TTC27: variants seen among roughly 807,000 people sequenced by gnomAD.
TTC27 encodes the protein tetratricopeptide repeat protein 27.
A neutral mutation model predicts 115.9 loss-of-function variants in TTC27; 79 were observed. That is an observed-to-expected ratio of 0.68 (90% CI 0.57 to 0.82). TTC27 has a LOEUF of 0.82. Ranked by LOEUF, TTC27 falls within the 40% of genes least tolerant of loss-of-function variation. The probability of loss-of-function intolerance (pLI) is 0.00; values close to 1 mark genes in which losing one functional copy is unlikely to be tolerated. For missense variants in TTC27, 1,054 were observed against 993.1 expected (o/e 1.06, Z -0.82); for synonymous variants, 401 against 356.0 (o/e 1.13, Z -1.42).
rs1208596345 is a variant in TTC27 at position 32,664,351 on chromosome 2, C to A, written c.689C>A (p.Ala230Asp). 6.2e-7 allele frequency: 1 copy of A among 1,610,828 alleles called. No individual in the cohort carries two copies. The highest frequency in any genetic ancestry group is 8.5e-7 in the Non-Finnish European group (1 of 1,178,442). ...GTAGATGATTCAGGTCGATATTTGG[C>A]TATTCAATTCCATCTGGAATGTGCA... Reference protein sequence around the residue: ...LFVDDSGRYLAIQFHLECAYV... With the variant: ...LFVDDSGRYLDIQFHLECAYV... Residue 230 changes from alanine (A) to aspartate (D), a missense_variant, in exon 6 of 20, where the codon GCT becomes GAT. By Grantham distance (126) the Ala-to-Asp change is moderately radical. Transcript: ENST00000317907.
chr2:32,757,062 C>G (rs1323429641), intron 12 of TTC27, among the ~76,000 whole-genome samples: 1 of 152,000 alleles, frequency 6.6e-6, no homozygotes, highest in Non-Finnish European at 1.5e-5. Context: ...TCAGGTAGGT[C>G]TAGTATGAGC....
At chr2:32,810,743 A>T (rs1434019424) in intron 16 of TTC27, among the ~76,000 whole-genome samples, 1 of 152,194 alleles carries the variant, frequency 6.6e-6, no homozygotes, top group African/African-American at 2.4e-5. Context: ...AGAATGTTCC[A>T]GGTGAGAAGA....
intron 10 of TTC27, among the ~76,000 whole-genome samples, chr2:32,722,897 GC>G (rs892798809): frequency 2.0e-5 from 3 of 152,124 alleles, no homozygotes; most frequent in Non-Finnish European, 4.4e-5. Flanking sequence ...TTCTGATAAG[GC>G]CAAGAAAGGG....
At chr2:32,699,793 C>T (rs1223127235) in intron 9 of TTC27, among the ~76,000 whole-genome samples, 2 of 152,184 alleles carry the variant, frequency 1.3e-5, no homozygotes, top group Admixed American at 6.5e-5. Context: ...TTCTTTAAAG[C>T]TTTTCAAATG....
intron 6 of TTC27, among the ~76,000 whole-genome samples, chr2:32,665,755 G>A (rs1665750138): frequency 6.6e-6 from 1 of 152,154 alleles, no homozygotes; most frequent in South Asian, 2.1e-4. Flanking sequence ...GCTGGGTGTG[G>A]TGGTGCATGC....
chr2:32,653,643 G>A (rs994194032), intron 5 of TTC27, among the ~76,000 whole-genome samples: 1 of 150,828 alleles, frequency 6.6e-6, no homozygotes, highest in African/African-American at 2.4e-5. Context: ...TGATGCATAC[G>A]TGCGTACGTT....
At chr2:32,819,957 A>G (rs1041133532) in intron 19 of TTC27, among the ~76,000 whole-genome samples, 4 of 152,236 alleles carry the variant, frequency 2.6e-5, no homozygotes, top group Non-Finnish European at 5.9e-5. Flanking sequence ...ACAAAAACCA[A>G]AAAAACTATG....
chr2:32,794,178 T>C (rs1670627452), intron 16 of TTC27, among the ~76,000 whole-genome samples: 1 of 152,162 alleles, frequency 6.6e-6, no homozygotes, highest in African/African-American at 2.4e-5. Context: ...TGGGACATTA[T>C]CTAGGAGAGA....
At chr2:32,699,322 T>C (rs191559674) in intron 9 of TTC27, among the ~76,000 whole-genome samples, 35 of 152,312 alleles carry the variant, frequency 2.3e-4, no homozygotes, top group African/African-American at 6.7e-4. Context: ...CTTGTAGGCA[T>C]TGGGGTGATC....
In TTC27 at chr2:32,728,330, C is replaced by T. The variant is rs185210491; in HGVS notation, c.1234-5498C>T. 2.9e-3 allele frequency among the ~76,000 whole-genome samples: 439 copies of T among 152,142 alleles called. 1 individual carries two copies. Among genetic ancestry groups the T allele is most frequent in the African/African-American group, 0.01 (415 of 41,496 alleles). ...TGCTGGGATTACAGGCGTGAACCACCGCGCCCGGCCAGGACTGCCTCTTAA... is the reference window on the plus strand; with the variant it reads ...TGCTGGGATTACAGGCGTGAACCACTGCGCCCGGCCAGGACTGCCTCTTAA... On this transcript the variant is annotated intron_variant, in intron 10 of 19. Coordinates refer to ENST00000317907, the MANE Select transcript of TTC27 (RefSeq NM_017735.5).
intron 4 of TTC27, among the ~76,000 whole-genome samples, chr2:32,641,492 A>T (rs1453219352): frequency 1.3e-5 from 2 of 152,216 alleles, no homozygotes; most frequent in Non-Finnish European, 2.9e-5. Flanking sequence ...AACGATTTTC[A>T]GTTCTTGGAC....
At chr2:32,707,226 G>T (rs1667403508) in intron 10 of TTC27, among the ~76,000 whole-genome samples, 2 of 152,332 alleles carry the variant, frequency 1.3e-5, no homozygotes. Context: ...GTTTCTTACA[G>T]TTCTGGGGAC....
intron 5 of TTC27, among the ~76,000 whole-genome samples, chr2:32,652,882 A>G (rs1477123255): frequency 6.6e-6 from 1 of 152,132 alleles, no homozygotes; most frequent in Non-Finnish European, 1.5e-5. Context: ...TAGGCAAAGG[A>G]TTTTATGAAC....
rs1017470925 is a variant in TTC27 at position 32,735,887 on chromosome 2, T to C, written c.1330-807T>C. ...TCTCATTATTTATTTTGATAATCTG[T>C]AGCTTATAATTTTTAGGCATATTTC... On this transcript the variant is annotated intron_variant, in intron 11 of 19. Transcript: ENST00000317907. 6.6e-5 allele frequency among the ~76,000 whole-genome samples: 10 copies of C among 152,046 alleles called. No individual in the cohort carries two copies. The East Asian group carries it at 2.0e-3, about 30-fold the overall frequency.
chr2:32,644,915 C>T (rs149694061), intron 4 of TTC27, among the ~76,000 whole-genome samples: 224 of 109,582 alleles, frequency 2.0e-3, no homozygotes, highest in African/African-American at 7.2e-3. Context: ...GCTGTGTTGT[C>T]CAGGATGGCC....
chr2:32,735,308 GT>G lies in TTC27; in HGVS notation c.1330-1381del, dbSNP rs568510669. ...GTTAACAGCTGGAATTTTTTAGTGT[GT>G]TTTTGACTCTGATCTGTGAAATTGG... On this transcript the variant is annotated intron_variant, in intron 11 of 19. Coordinates refer to ENST00000317907, the MANE Select transcript of TTC27 (RefSeq NM_017735.5). Among the ~76,000 whole-genome samples, 12 of 152,070 alleles carry G rather than the reference GT, an allele frequency of 7.9e-5. No homozygotes were observed. In the East Asian group the frequency reaches 2.1e-3, roughly 27 times the overall value.
At chr2:32,736,163 C>CT (rs575534648) in intron 11 of TTC27, among the ~76,000 whole-genome samples, 2 of 151,930 alleles carry the variant, frequency 1.3e-5, no homozygotes, top group Admixed American at 6.6e-5. Context: ...TCAGTTTGCT[C>CT]TTTTTTTTAT....
chr2:32,657,102 C>T lies in TTC27; in HGVS notation c.640+6869C>T, dbSNP rs1326515935. ...CCAGGTTCATGCCATTCTCCTGCTT[C>T]AACCTCCTGAGAAGCTGGGACTACA... On this transcript the variant is annotated intron_variant, in intron 5 of 19. Transcript: ENST00000317907. 2.0e-5 allele frequency among the ~76,000 whole-genome samples: 3 copies of T among 151,100 alleles called. No individual in the cohort carries two copies. In the East Asian group the frequency reaches 5.9e-4, roughly 30 times the overall value.
intron 7 of TTC27, among the ~76,000 whole-genome samples, chr2:32,669,943 T>TTTTTTTA (rs1371754704): frequency 6.6e-6 from 1 of 151,552 alleles, no homozygotes; most frequent in Non-Finnish European, 1.5e-5. Flanking sequence ...TGTATTTTAA[T>TTTTTTTA]TTTTTTATTT....
Sources: allele counts gnomAD v4.1 joint callset (sites outside exome capture counted in the v4.1 genomes callset), GRCh38; gene constraint gnomAD v4.1.1; transcripts MANE v1.5; gene names NCBI Gene and HGNC (gene_info 2026-07-23, HGNC 2026-07-21).